KDM4C: variants seen among roughly 807,000 people sequenced by gnomAD.
The protein encoded by KDM4C is lysine demethylase 4C.
In KDM4C, 81 loss-of-function variants were observed where a neutral mutation model predicts 129.3. The ratio of observed to expected loss-of-function variants is 0.63; its 90% CI spans 0.52 to 0.75. KDM4C has a LOEUF of 0.75. Among genes scored for constraint, KDM4C ranks in the 30% least tolerant of loss-of-function variants. The pLI is 0.00. For missense variants in KDM4C, 1,457 were observed against 1,304.0 expected, an observed-to-expected ratio of 1.12 and a Z score of -1.81; for synonymous variants, 573 against 456.1, an observed-to-expected ratio of 1.26 and a Z score of -3.26.
At chr9:6,725,092 C>G (rs1817077588) in intron 1 of KDM4C, among the ~76,000 whole-genome samples, 1 of 152,144 alleles carries the variant, frequency 6.6e-6, no homozygotes, top group Admixed American at 6.6e-5. Context: ...ATCATCACAT[C>G]TCCTACTTCC....
At chr9:6,843,994 C>A (rs530883604) in intron 4 of KDM4C, among the ~76,000 whole-genome samples, 5 of 152,032 alleles carry the variant, frequency 3.3e-5, no homozygotes, top group African/African-American at 1.2e-4. Context: ...TCACCATACC[C>A]GGCTATTTTT....
chr9:7,074,900 C>T (rs1233051577), intron 17 of KDM4C, among the ~76,000 whole-genome samples: 1 of 152,070 alleles, frequency 6.6e-6, no homozygotes, highest in African/African-American at 2.4e-5. Flanking sequence ...TATTTGAATA[C>T]ATCATGAATT....
At chr9:6,833,750 C>T (rs780929402) in intron 4 of KDM4C, among the ~76,000 whole-genome samples, 4 of 152,182 alleles carry the variant, frequency 2.6e-5, no homozygotes, top group African/African-American at 9.7e-5. Flanking sequence ...CAAAGCAAGA[C>T]AGAAGTCTCC....
At chr9:6,833,370 C>T (rs919618039) in intron 4 of KDM4C, among the ~76,000 whole-genome samples, 1 of 152,040 alleles carries the variant, frequency 6.6e-6, no homozygotes, top group Non-Finnish European at 1.5e-5. Flanking sequence ...TACCAAAGTA[C>T]TGACTTTCCT....
intron 4 of KDM4C, among the ~76,000 whole-genome samples, chr9:6,828,001 AG>A (rs1834167211): frequency 6.6e-6 from 1 of 152,152 alleles, no homozygotes; most frequent in Non-Finnish European, 1.5e-5. Context: ...GTGTTTTCAG[AG>A]GGGTGTTGCC....
chr9:6,901,267 C>T (rs144484432), intron 8 of KDM4C, among the ~76,000 whole-genome samples: 1 of 152,270 alleles, frequency 6.6e-6, no homozygotes, highest in East Asian at 1.9e-4. Flanking sequence ...AGTCAGATGC[C>T]CTGGCTTCCC....
intron 12 of KDM4C, among the ~76,000 whole-genome samples, chr9:7,000,269 G>C (rs1820492062): frequency 1.3e-5 from 2 of 152,160 alleles, no homozygotes; most frequent in Admixed American, 6.5e-5. Flanking sequence ...TATTATGCTA[G>C]TGGCTTGGTC....
At chr9:6,864,540 G>A (rs1410652925) in intron 5 of KDM4C, among the ~76,000 whole-genome samples, 2 of 150,920 alleles carry the variant, frequency 1.3e-5, no homozygotes, top group African/African-American at 2.4e-5. Flanking sequence ...GTGTGATCTC[G>A]GCTCACAGTA....
chr9:6,846,792 G>C (rs1182557234), intron 4 of KDM4C, among the ~76,000 whole-genome samples: 2 of 152,088 alleles, frequency 1.3e-5, no homozygotes, highest in African/African-American at 4.8e-5. Context: ...AGATTTGCTA[G>C]AGAATAGTGG....
chr9:7,126,154 C>T (rs1246313931), intron 18 of KDM4C, among the ~76,000 whole-genome samples: 1 of 152,056 alleles, frequency 6.6e-6, no homozygotes, highest in East Asian at 1.9e-4. Flanking sequence ...TGTATATACC[C>T]TGAGGCCTAC....
intron 4 of KDM4C, chr9:6,835,559 A>G (rs2131359724): frequency 1.8e-6 from 2 of 1,132,560 alleles, no homozygotes; most frequent in East Asian, 2.3e-5. Flanking sequence ...TCCATCATCC[A>G]TCCTTCAAAT....
intron 8 of KDM4C, chr9:6,975,003 C>T (rs1331520902): frequency 6.6e-6 from 1 of 152,194 alleles, no homozygotes; most frequent in Admixed American, 6.5e-5. Context: ...GACCCCGGAG[C>T]AAACTATTTG....
chr9:6,946,320 C>A (rs933239628), intron 8 of KDM4C, among the ~76,000 whole-genome samples: 1 of 152,038 alleles, frequency 6.6e-6, no homozygotes, highest in Admixed American at 6.6e-5. Context: ...AGAGATGTAC[C>A]TGACACACCT....
intron 19 of KDM4C, among the ~76,000 whole-genome samples, chr9:7,138,673 G>A (rs12683016): frequency 0.34 from 51,016 of 151,810 alleles, 8,799 homozygotes; most frequent in East Asian, 0.52. Flanking sequence ...AAAAAATTTA[G>A]CCAGGCATGG....
intron 19 of KDM4C, among the ~76,000 whole-genome samples, chr9:7,151,941 C>T (rs372592991): frequency 7.9e-5 from 12 of 152,206 alleles, no homozygotes; most frequent in African/African-American, 1.4e-4. Context: ...TTGGTTCTTT[C>T]GTTATACACA....
intron 8 of KDM4C, among the ~76,000 whole-genome samples, chr9:6,924,346 C>T (rs1215870472): frequency 4.6e-5 from 7 of 152,156 alleles, no homozygotes; most frequent in Admixed American, 3.9e-4. Flanking sequence ...CCCAGGGTTG[C>T]AGATCTGTAT....
intron 19 of KDM4C, among the ~76,000 whole-genome samples, chr9:7,135,797 T>G (rs7044800): frequency 6.6e-6 from 1 of 152,232 alleles, no homozygotes; most frequent in Non-Finnish European, 1.5e-5. Flanking sequence ...TTCGTCGGTG[T>G]CTACACTTTG....
At chr9:6,970,428 A>C (rs1831763108) in intron 8 of KDM4C, among the ~76,000 whole-genome samples, 2 of 152,264 alleles carry the variant, frequency 1.3e-5, no homozygotes, top group African/African-American at 2.4e-5. Context: ...ATAGCTGGTT[A>C]CTGTGGACAT....
intron 9 of KDM4C, 73 bp from the exon 10 acceptor site, chr9:6,984,093 C>A: frequency 2.2e-6 from 2 of 900,616 alleles, no homozygotes; most frequent in Non-Finnish European, 3.5e-6. Flanking sequence ...GTGAAAATGA[C>A]ATTTATATTG....
Sources: gnomAD v4.1 joint callset for allele counts (sites outside exome capture counted in the v4.1 genomes callset) on GRCh38, gnomAD v4.1.1 for gene constraint, MANE v1.5 for transcripts, NCBI Gene and HGNC (gene_info 2026-07-23, HGNC 2026-07-21) for gene names.